MATN2: variants seen among roughly 807,000 people sequenced by gnomAD.
MATN2 encodes the protein matrilin-2.
Under a neutral mutation model 103.2 loss-of-function variants are expected in MATN2, and 69 were observed. The ratio of observed to expected loss-of-function variants is 0.67; its 90% confidence interval spans 0.55 to 0.82. The LOEUF (loss-of-function observed/expected upper bound fraction) is 0.82. MATN2 is among the 40% of genes least tolerant of loss of function. The probability of loss-of-function intolerance (pLI) is 0.00; values close to 1 mark genes in which losing one functional copy is unlikely to be tolerated. For missense variants in MATN2, 1,023 were observed against 1,211.5 expected, an observed-to-expected ratio of 0.84 and a Z score of 2.31; for synonymous variants, 429 against 450.2, an observed-to-expected ratio of 0.95 and a Z score of 0.60.
chr8:97,883,789 C>T (rs1458526984), intron 1 of MATN2, among the ~76,000 whole-genome samples: 2 of 152,082 alleles, frequency 1.3e-5, no homozygotes, highest in Admixed American at 6.6e-5. Context: ...CTCCTGACCT[C>T]GTGATCTGCC....
At chr8:97,986,003 C>T (rs958548338) in intron 6 of MATN2, among the ~76,000 whole-genome samples, 11 of 152,078 alleles carry the variant, frequency 7.2e-5, no homozygotes, top group African/African-American at 2.7e-4. Flanking sequence ...GTCACTTAAA[C>T]GTTATCAAAA....
rs1410983437 is a variant in MATN2, at chr8:98,035,741, C to T, written c.*29C>T. ...TTAGAAATCGCGACACATTTGTAGTCATTGTATCACGGATTACAATGAACG... is the reference window on the plus strand; with the variant it reads ...TTAGAAATCGCGACACATTTGTAGTTATTGTATCACGGATTACAATGAACG... On this transcript the variant is annotated 3_prime_UTR_variant, in exon 19 of 19. Coordinates refer to ENST00000254898, the MANE Select transcript of MATN2 (RefSeq NM_002380.5). 9 of 1,513,570 alleles carry T rather than the reference C, an allele frequency of 5.9e-6. No individual in the cohort carries two copies. The East Asian group carries it at 2.1e-4, about 35-fold the overall frequency. 93.8% of individuals were successfully genotyped at this position (1,513,570 alleles called of 1,614,324 possible). A position where few individuals can be genotyped will look rare whatever the true frequency, so the allele number is the denominator to read the frequency against.
chr8:97,944,674 C>A (rs1810688365), intron 4 of MATN2, among the ~76,000 whole-genome samples: 1 of 152,206 alleles, frequency 6.6e-6, no homozygotes, highest in Non-Finnish European at 1.5e-5. Context: ...TGATTATGTC[C>A]TTGTTAGGCC....
At chr8:97,984,215 AT>A (rs1378430759) in intron 6 of MATN2, among the ~76,000 whole-genome samples, 1 of 152,230 alleles carries the variant, frequency 6.6e-6, no homozygotes, top group Non-Finnish European at 1.5e-5. Flanking sequence ...CTGACAGGAT[AT>A]TCACTATACC....
chr8:98,016,749 C>T, intron 11 of MATN2, 87 bp downstream of exon 11: 1 of 1,501,506 alleles, frequency 6.7e-7, no homozygotes, highest in South Asian at 1.2e-5. Flanking sequence ...ATCAGTTCCT[C>T]TCAGAAGTCA....
At chr8:98,031,057 CT>C (rs1423317296) in intron 15 of MATN2, among the ~76,000 whole-genome samples, 1 of 152,172 alleles carries the variant, frequency 6.6e-6, no homozygotes, top group East Asian at 1.9e-4. Flanking sequence ...AAAAGAAGGG[CT>C]GGGCACCATG....
chr8:97,969,303 C>T (rs1453731965), intron 5 of MATN2, among the ~76,000 whole-genome samples: 1 of 152,228 alleles, frequency 6.6e-6, no homozygotes, highest in East Asian at 1.9e-4. Flanking sequence ...AGGGCACAAA[C>T]ATCCAGACCG....
rs139445337 is a variant in MATN2 at position 98,028,513 on chromosome 8, G to C, written c.2356+684G>C. Among the ~76,000 whole-genome samples the C allele has an allele frequency of 7.2e-3, 1,093 of 152,258 alleles. 8 individuals are homozygous for C. The highest frequency in any genetic ancestry group is 0.013 in the Non-Finnish European group (858 of 68,012). On this transcript the variant is annotated intron_variant, in intron 14 of 18. Coordinates refer to ENST00000254898, the MANE Select transcript of MATN2 (RefSeq NM_002380.5). ...CCCAAAAGGTAGGATAATTGGTAGA[G>C]ACAGTTTATGGTGAAGTTTCTAGAT...
intron 5 of MATN2, among the ~76,000 whole-genome samples, chr8:97,974,101 C>T (rs1031052542): frequency 5.9e-5 from 9 of 152,008 alleles, no homozygotes; most frequent in Non-Finnish European, 1.3e-4. Context: ...TTTAAAAACT[C>T]AGTTTCTTTT....
intron 2 of MATN2, among the ~76,000 whole-genome samples, chr8:97,889,329 T>C (rs1368528912): frequency 6.6e-6 from 1 of 151,912 alleles, no homozygotes; most frequent in Non-Finnish European, 1.5e-5. Context: ...AAAGTCCTTG[T>C]TTCCATAGTG....
In MATN2 at chr8:98,033,131, C is replaced by T. The variant is rs764507803; in HGVS notation, c.2671C>T (p.Leu891Phe). ...CAGATATCTGTTTGAAGAAGACAATCTTTTACGGTCTACACAAAAGCTTTC... is the reference window on the plus strand; with the variant it reads ...CAGATATCTGTTTGAAGAAGACAATTTTTTACGGTCTACACAAAAGCTTTC... ...QHRYLFEEDN[L>F]LRSTQKLSHS... The change falls in exon 17 of 19, where the codon CTT (leucine) becomes TTT (phenylalanine). Residue 891 changes from leucine (L) to phenylalanine (F), a missense_variant. By Grantham distance (22) the Leu-to-Phe change is conservative. Transcript: ENST00000254898. 1 of 1,610,522 alleles carries T rather than the reference C, an allele frequency of 6.2e-7. No individual in the cohort carries two copies. The highest frequency in any genetic ancestry group is 1.1e-5 in the South Asian group (1 of 90,196).
At chr8:98,024,460 G>A (rs556956859) in intron 13 of MATN2, among the ~76,000 whole-genome samples, 2 of 152,162 alleles carry the variant, frequency 1.3e-5, no homozygotes, top group Admixed American at 6.5e-5. Context: ...AGCCAAGATC[G>A]CACCACTGCA....
chr8:97,999,966 C>T (rs575555645), intron 7 of MATN2, among the ~76,000 whole-genome samples: 36 of 151,730 alleles, frequency 2.4e-4, no homozygotes, highest in African/African-American at 8.0e-4. Flanking sequence ...CTGCAACCTC[C>T]ATCTCCTGGG....
chr8:97,981,020 G>GT (rs138595230), intron 6 of MATN2, among the ~76,000 whole-genome samples: 13,843 of 148,256 alleles, frequency 0.093, 877 homozygotes, highest in Admixed American at 0.2. Flanking sequence ...TACAAAAACT[G>GT]TTTTTTTTTT....
At chr8:97,948,244 G>A (rs1810818095) in intron 4 of MATN2, among the ~76,000 whole-genome samples, 2 of 152,138 alleles carry the variant, frequency 1.3e-5, no homozygotes, top group Non-Finnish European at 2.9e-5. Context: ...TATGTGTCCT[G>A]GGTGACTCAA....
chr8:97,895,857 A>G (rs1182518382), intron 2 of MATN2, among the ~76,000 whole-genome samples: 1 of 152,204 alleles, frequency 6.6e-6, no homozygotes, highest in Non-Finnish European at 1.5e-5. Flanking sequence ...GTTTTGGCAA[A>G]TTTGTCAAGA....
intron 5 of MATN2, among the ~76,000 whole-genome samples, chr8:97,972,351 AAAAAG>A (rs1331618037): frequency 6.0e-5 from 9 of 150,424 alleles, no homozygotes; most frequent in African/African-American, 1.5e-4. Flanking sequence ...AAAAAAAAAA[AAAAAG>A]AAAAGAAAAG....
In MATN2 at chr8:97,982,112, C is replaced by G. The variant is rs915827078; in HGVS notation, c.1081+3104C>G. On this transcript the variant is annotated intron_variant, in intron 6 of 18. Coordinates refer to ENST00000254898, the MANE Select transcript of MATN2 (RefSeq NM_002380.5). This position sits in a 1 kb window ranked among gnomAD's most constrained non-coding sequence, Gnocchi z 4.3. The stretch of plus-strand genomic sequence containing the variant: ...AGGGCAGTACATCCCTTAGAAGAGC[C>G]CTCTTCCCACCATGCTTGGGGTGGG... 2.6e-5 allele frequency among the ~76,000 whole-genome samples: 4 copies of G among 152,148 alleles called. No individual in the cohort carries two copies. The highest frequency in any genetic ancestry group is 9.7e-5 in the African/African-American group (4 of 41,424).
rs772600060 is a variant in MATN2 at position 98,003,736 on chromosome 8, G to A, written c.1280G>A (p.Arg427His). 29 of 1,613,608 alleles carry A rather than the reference G, an allele frequency of 1.8e-5. No homozygotes were observed. Among genetic ancestry groups the A allele is most frequent in the South Asian group, 1.1e-4 (10 of 91,062 alleles). ...CVNMEESYYC[R>H]CHRGYTLDPN... The stretch of plus-strand genomic sequence containing the variant: ...AACATGGAGGAGAGCTACTACTGCC[G>A]CTGCCACCGTGGCTACACTCTGGAC... Residue 427 changes from arginine (R) to histidine (H), a missense_variant, in exon 8 of 19, where the codon CGC becomes CAC. By Grantham distance (29) the Arg-to-His change is conservative. Coordinates refer to ENST00000254898, the MANE Select transcript of MATN2 (RefSeq NM_002380.5).
Sources: allele counts gnomAD v4.1 joint callset (sites outside exome capture counted in the v4.1 genomes callset), GRCh38; gene constraint gnomAD v4.1.1; non-coding constraint Gnocchi (gnomAD v3.1); transcripts MANE v1.5; gene names NCBI Gene and HGNC (gene_info 2026-07-23, HGNC 2026-07-21).